The following FOXN3 variants were observed in gnomAD, a reference collection of about 807,000 sequenced individuals.
FOXN3 encodes forkhead box protein N3.
In FOXN3, 7 loss-of-function variants were observed where a neutral mutation model predicts 38.4. The ratio of observed to expected loss-of-function variants is 0.18; its 90% CI spans 0.10 to 0.34. The LOEUF is 0.34. FOXN3 is among the 10% of genes least tolerant of loss of function. The pLI is 1.00. For missense variants in FOXN3, 456 were observed against 613.4 expected, an observed-to-expected ratio of 0.74 and a Z score of 2.71; for synonymous variants, 230 against 242.2, an observed-to-expected ratio of 0.95 and a Z score of 0.47.
intron 3 of FOXN3, among the ~76,000 whole-genome samples, chr14:89,338,969 C>T (rs1888540244): frequency 3.9e-5 from 6 of 152,168 alleles, no homozygotes; most frequent in Admixed American, 3.9e-4. Context: ...TTAATTTAAT[C>T]CCTAAAGCAC....
In FOXN3 at chr14:89,484,474, G is replaced by A. The variant is rs1893404783; in HGVS notation, c.-14-71984C>T. Among the ~76,000 whole-genome samples the A allele has an allele frequency of 6.6e-6, 1 of 152,152 alleles. No individual in the cohort carries two copies. The highest frequency in any genetic ancestry group is 2.1e-4 in the South Asian group (1 of 4,830). On this transcript the variant is annotated intron_variant, in intron 1 of 6. Coordinates refer to the FOXN3 transcript ENST00000345097. This position sits in a 1 kb window ranked among gnomAD's most constrained non-coding sequence, Gnocchi z 4.0. ...TTTGCATTCCATATACATTTCATAA[G>A]GCACAAAATTTTATTCTTTTAATTT...
intron 1 of FOXN3, among the ~76,000 whole-genome samples, chr14:89,559,856 G>C (rs534991266): frequency 8.5e-5 from 13 of 152,102 alleles, no homozygotes; most frequent in Admixed American, 8.5e-4. Flanking sequence ...GCAGTCACCC[G>C]AGCTCTCAGA....
chr14:89,587,570 A>G (rs1566710015), intron 1 of FOXN3, among the ~76,000 whole-genome samples: 1 of 152,160 alleles, frequency 6.6e-6, no homozygotes, highest in Non-Finnish European at 1.5e-5. Context: ...CTCCGGGGAA[A>G]AAAGCTCAGG....
At chr14:89,289,882 C>T (rs936594792) in intron 3 of FOXN3, among the ~76,000 whole-genome samples, 2 of 152,224 alleles carry the variant, frequency 1.3e-5, no homozygotes, top group South Asian at 2.1e-4. Context: ...ATTGAACATA[C>T]GTGGAAAATT....
At chr14:89,212,308 T>A (rs180785152) in intron 4 of FOXN3, among the ~76,000 whole-genome samples, 5 of 152,362 alleles carry the variant, frequency 3.3e-5, no homozygotes, top group Admixed American at 1.3e-4. Context: ...TCCTTCAAAC[T>A]GCGGAGGTTG....
At chr14:89,380,257 T>G (rs1247238592) in intron 2 of FOXN3, among the ~76,000 whole-genome samples, 2 of 152,226 alleles carry the variant, frequency 1.3e-5, no homozygotes, top group Non-Finnish European at 2.9e-5. Flanking sequence ...CCAGCCACCA[T>G]GTAAGACATG....
intron 4 of FOXN3, among the ~76,000 whole-genome samples, chr14:89,254,907 G>A (rs1046441179): frequency 6.6e-6 from 1 of 152,186 alleles, no homozygotes; most frequent in African/African-American, 2.4e-5. Flanking sequence ...CCCCACTAAC[G>A]ACGCACTTAG....
At position 89,160,118 on chromosome 14, in the gene FOXN3, A is replaced by T. The variant is rs1332261030; in HGVS notation, c.*2296T>A. 6.6e-6 allele frequency: 1 copy of T among 151,788 alleles called. No homozygotes were observed. Among genetic ancestry groups the T allele is most frequent in the Non-Finnish European group, 1.5e-5 (1 of 67,986 alleles). The allele number at this position is 151,788 out of a possible 1,614,324, so 9.4% of individuals were successfully genotyped here. A position where few individuals can be genotyped will look rare whatever the true frequency, so the allele number is the denominator to read the frequency against. On this transcript the variant is annotated 3_prime_UTR_variant, in exon 6 of 6. Transcript: ENST00000557258. ...CTCTGTTCCCTCCCTCTCCTCACGCATCATATCCTGAGCCACAGTACTGGG... is the reference window on the plus strand; with the variant it reads ...CTCTGTTCCCTCCCTCTCCTCACGCTTCATATCCTGAGCCACAGTACTGGG...
intron 1 of FOXN3, among the ~76,000 whole-genome samples, chr14:89,592,199 G>T (rs1221547976): frequency 6.6e-6 from 1 of 152,080 alleles, no homozygotes; most frequent in East Asian, 1.9e-4. Flanking sequence ...ATTAAGAAAA[G>T]AAAAATAAAT....
Position 89,293,989 on chromosome 14 carries a change from G to C in FOXN3, c.681-12975C>G, listed in dbSNP as rs1886958827. Among the ~76,000 whole-genome samples, 4 of 152,168 alleles carry C rather than the reference G, an allele frequency of 2.6e-5. No homozygotes were observed. The South Asian group carries it at 8.3e-4, about 32-fold the overall frequency. ...AAGAAAACAACGGACCCAGCCTTTG[G>C]TAATCACCTGGCAAATGCTCTAGTT... On this transcript the variant is annotated intron_variant, in intron 3 of 5. Transcript: ENST00000557258.
chr14:89,201,760 T>C lies in FOXN3; in HGVS notation c.746-20954A>G, dbSNP rs572199677. ...CCCAGTGATTGGCTTTCCCCAACCA[T>C]CACTTCTCTCCACTTATTGGAAGAT... is the stretch of plus-strand genomic sequence containing the variant. On this transcript the variant is annotated intron_variant, in intron 4 of 5. Transcript: ENST00000557258. Among the ~76,000 whole-genome samples the C allele has an allele frequency of 7.1e-4, 108 of 152,276 alleles. 1 individual carries two copies. The South Asian group carries it at 0.021, about 30-fold the overall frequency.
At chr14:89,360,759 T>A (rs188782196) in intron 2 of FOXN3, among the ~76,000 whole-genome samples, 14,944 of 38,178 alleles carry the variant, frequency 0.39, 2,042 homozygotes, top group East Asian at 0.61. Context: ...CACCACCACC[T>A]CCACCACTAC....
chr14:89,611,801 G>A lies in FOXN3; in HGVS notation c.-15+7227C>T, dbSNP rs867259502. ...AGCCTGGGCGACAGAGTGAGACTCC[G>A]TCTCAAAAAAAAAAAAAAAAAAAAA... is the stretch of plus-strand genomic sequence containing the variant. On this transcript the variant is annotated intron_variant, in intron 1 of 6. Transcript: ENST00000345097. Among the ~76,000 whole-genome samples the A allele has an allele frequency of 2.2e-3, 214 of 97,796 alleles. 1 individual carries two copies. Among genetic ancestry groups the A allele is most frequent in the Admixed American group, 7.9e-3 (62 of 7,838 alleles). The allele number at this position is 97,796 out of a possible 152,430, so 64.2% of individuals were successfully genotyped here.
intron 3 of FOXN3, among the ~76,000 whole-genome samples, chr14:89,285,064 T>C (rs1200672880): frequency 2.0e-5 from 3 of 152,174 alleles, no homozygotes; most frequent in Admixed American, 6.5e-5. Flanking sequence ...ACCTTAACCA[T>C]TGTGAGAACC....
At chr14:89,591,871 G>A (rs773206146) in intron 1 of FOXN3, among the ~76,000 whole-genome samples, 5 of 152,114 alleles carry the variant, frequency 3.3e-5, no homozygotes, top group Non-Finnish European at 5.9e-5. Flanking sequence ...GTTATACTGA[G>A]CTATGATCAT....
At chr14:89,230,824 G>A in intron 4 of FOXN3, 1 of 455,382 alleles carries the variant, frequency 2.2e-6, no homozygotes, top group South Asian at 1.6e-5. Context: ...CCTCCTTACA[G>A]TGTTCAGCCT....
At chr14:89,429,621 G>A (rs944189806) in intron 1 of FOXN3, among the ~76,000 whole-genome samples, 5 of 152,110 alleles carry the variant, frequency 3.3e-5, no homozygotes, top group South Asian at 2.1e-4. Context: ...CTGGACCAGC[G>A]AAGGGTTAGC....
chr14:89,355,447 G>A (rs11628887), intron 2 of FOXN3, among the ~76,000 whole-genome samples: 30,942 of 151,670 alleles, frequency 0.2, 3,177 homozygotes, highest in African/African-American at 0.25. Flanking sequence ...ATATTGGCCA[G>A]GCTGGTCTCG....
chr14:89,224,456 G>A (rs1258478118), intron 4 of FOXN3, among the ~76,000 whole-genome samples: 1 of 152,172 alleles, frequency 6.6e-6, no homozygotes, highest in East Asian at 1.9e-4. Flanking sequence ...ATTTCAAAGA[G>A]TAAATATCAG....
Sources: allele counts gnomAD v4.1 joint callset (sites outside exome capture counted in the v4.1 genomes callset), GRCh38; gene constraint gnomAD v4.1.1; non-coding constraint Gnocchi (gnomAD v3.1); transcripts MANE v1.5; gene names NCBI Gene and HGNC (gene_info 2026-07-23, HGNC 2026-07-21).